GBF1: variants seen among roughly 807,000 people sequenced by gnomAD.
GBF1 encodes the protein Golgi-specific brefeldin A-resistance guanine nucleotide exchange factor 1.
A neutral mutation model predicts 210.5 loss-of-function variants in GBF1; 114 were observed. That is an observed-to-expected ratio of 0.54 (90% CI 0.47 to 0.63). The LOEUF is 0.63. Ranked by LOEUF, GBF1 falls within the 30% of genes least tolerant of loss-of-function variation. The pLI, the probability that GBF1 is intolerant of heterozygous loss-of-function variation, is 0.00. For missense variants in GBF1, 1,851 were observed against 2,357.7 expected (o/e 0.79, Z 4.45); for synonymous variants, 850 against 889.2 (o/e 0.96, Z 0.78).
chr10:102,247,151 T>C (rs1233307465), intron 1 of GBF1, among the ~76,000 whole-genome samples: 1 of 152,224 alleles, frequency 6.6e-6, no homozygotes, highest in Non-Finnish European at 1.5e-5. Context: ...CAAAACCTCA[T>C]AGTGTCAGAA....
intron 1 of GBF1, among the ~76,000 whole-genome samples, chr10:102,257,759 A>C (rs991659015): frequency 2.0e-5 from 3 of 150,962 alleles, no homozygotes; most frequent in Non-Finnish European, 2.9e-5. Flanking sequence ...AGGGAAGACT[A>C]TATACTTAGG....
Position 102,330,081 on chromosome 10 carries a change from A to G in GBF1, c.164-13970A>G, listed in dbSNP as rs144127583. ...AGCCTAGGACTTTGAGTTTGCAGTG[A>G]GCTATAATTGCACCATGGTACTCCA... is the stretch of plus-strand genomic sequence containing the variant. On this transcript the variant is annotated intron_variant, in intron 3 of 39. Transcript: ENST00000369983. Among the ~76,000 whole-genome samples the G allele has an allele frequency of 3.0e-4, 45 of 152,258 alleles. No homozygotes were observed. In the East Asian group the frequency reaches 8.5e-3, roughly 29 times the overall value.
chr10:102,242,548 C>T (rs920955206), upstream of GBF1, among the ~76,000 whole-genome samples: 1 of 152,190 alleles, frequency 6.6e-6, no homozygotes, highest in Non-Finnish European at 1.5e-5. Context: ...ACTGTGACTT[C>T]GGCCCTCTCT....
chr10:102,277,458 C>T (rs1195379466), intron 3 of GBF1, among the ~76,000 whole-genome samples: 1 of 149,260 alleles, frequency 6.7e-6, no homozygotes, highest in Non-Finnish European at 1.5e-5. Flanking sequence ...AGCGTGATCT[C>T]GGCTCGCCTC....
chr10:102,350,404 A>C (rs1455614267), intron 4 of GBF1, among the ~76,000 whole-genome samples: 1 of 151,966 alleles, frequency 6.6e-6, no homozygotes, highest in African/African-American at 2.4e-5. Flanking sequence ...AGATATGAGT[A>C]TTGGCGGCAG....
intron 3 of GBF1, among the ~76,000 whole-genome samples, chr10:102,332,133 T>C (rs554509426): frequency 6.6e-6 from 1 of 151,982 alleles, no homozygotes; most frequent in South Asian, 2.1e-4. Flanking sequence ...GTGCTGGGAT[T>C]ACAGGTGTGA....
intron 4 of GBF1, among the ~76,000 whole-genome samples, chr10:102,349,041 A>G (rs1478915335): frequency 6.6e-6 from 1 of 151,908 alleles, no homozygotes; most frequent in Non-Finnish European, 1.5e-5. Context: ...CCTAGCTACT[A>G]AGGAGGCTTA....
chr10:102,369,640 C>G, intron 24 of GBF1, 71 bp from the exon 25 acceptor site: 1 of 1,420,388 alleles, frequency 7.0e-7, no homozygotes. Flanking sequence ...ATCCAGAGAA[C>G]TTTGGTGGGT....
intron 3 of GBF1, among the ~76,000 whole-genome samples, chr10:102,312,232 G>C (rs986577078): frequency 1.3e-5 from 2 of 151,836 alleles, no homozygotes; most frequent in Non-Finnish European, 2.9e-5. Flanking sequence ...GGTGGAGGTT[G>C]CGGTGAGCTG....
chr10:102,340,016 C>T (rs549215640), intron 3 of GBF1, among the ~76,000 whole-genome samples: 96 of 149,408 alleles, frequency 6.4e-4, no homozygotes, highest in Middle Eastern at 3.5e-3. Context: ...TGCAGTGGCA[C>T]GATCTCAGCT....
intron 3 of GBF1, among the ~76,000 whole-genome samples, chr10:102,321,551 G>T (rs972926334): frequency 1.3e-5 from 2 of 152,114 alleles, no homozygotes; most frequent in South Asian, 4.1e-4. Context: ...TGATACTGCA[G>T]ACTTCCTGAA....
intron 3 of GBF1, among the ~76,000 whole-genome samples, chr10:102,333,314 G>A (rs1022550715): frequency 3.3e-5 from 5 of 152,154 alleles, no homozygotes; most frequent in African/African-American, 4.8e-5. Flanking sequence ...TCTGGAATCC[G>A]TTCCTGAACC....
chr10:102,328,107 G>A (rs12781714), intron 3 of GBF1, among the ~76,000 whole-genome samples: 19,367 of 152,160 alleles, frequency 0.13, 1,503 homozygotes, highest in Non-Finnish European at 0.17. Context: ...TATTTTTGAC[G>A]CTTTTGTTTT....
chr10:102,247,710 C>T (rs2071019275), intron 1 of GBF1, among the ~76,000 whole-genome samples: 1 of 151,890 alleles, frequency 6.6e-6, no homozygotes, highest in African/African-American at 2.4e-5. Flanking sequence ...GGAATAATTC[C>T]CACTCCTACC....
chr10:102,247,773 C>A (rs2071024603), intron 1 of GBF1, among the ~76,000 whole-genome samples: 1 of 152,044 alleles, frequency 6.6e-6, no homozygotes, highest in Non-Finnish European at 1.5e-5. Context: ...TGTATTTGAG[C>A]TTCTTTTTAA....
At chr10:102,238,595 CAA>C in the GBF1 span, among the ~76,000 whole-genome samples, 1 of 152,214 alleles carries the variant, frequency 6.6e-6, no homozygotes, top group Admixed American at 6.5e-5. Flanking sequence ...CTTTTCCAAA[CAA>C]AGATTCTGCA....
At chr10:102,241,650 C>T (rs1245649286), upstream of GBF1, among the ~76,000 whole-genome samples, 3 of 152,246 alleles carry the variant, frequency 2.0e-5, no homozygotes, top group Non-Finnish European at 4.4e-5. This position sits in a 1 kb window ranked among gnomAD's most constrained non-coding sequence, Gnocchi z 6.7. Context: ...GATCTCCAGG[C>T]CCCGCCTTTG....
At chr10:102,294,666 AT>A (rs2076771080) in intron 3 of GBF1, among the ~76,000 whole-genome samples, 1 of 152,044 alleles carries the variant, frequency 6.6e-6, no homozygotes, top group African/African-American at 2.4e-5. Flanking sequence ...GTGAGTCACC[AT>A]GCCCGGCCCA....
At chr10:102,330,855 A>G (rs1459054448) in intron 3 of GBF1, among the ~76,000 whole-genome samples, 1 of 152,170 alleles carries the variant, frequency 6.6e-6, no homozygotes, top group South Asian at 2.1e-4. Context: ...TAGGAAACTC[A>G]TTCCTCTTCT....
Sources: allele counts gnomAD v4.1 joint callset (sites outside exome capture counted in the v4.1 genomes callset), GRCh38; gene constraint gnomAD v4.1.1; non-coding constraint Gnocchi (gnomAD v3.1); transcripts MANE v1.5; gene names NCBI Gene and HGNC (gene_info 2026-07-23, HGNC 2026-07-21).